Variants in BMPR1A observed in about 807,000 individuals in gnomAD.
BMPR1A encodes bone morphogenetic protein receptor type 1A, also known as bone morphogenetic protein receptor type-1A.
A neutral mutation model predicts 66.0 loss-of-function variants in BMPR1A; 7 were observed. The ratio of observed to expected loss-of-function variants is 0.11; its 90% CI spans 0.06 to 0.20. The LOEUF (loss-of-function observed/expected upper bound fraction) is 0.20. BMPR1A is among the 10% of genes least tolerant of loss of function. The probability of loss-of-function intolerance (pLI) is 1.00; values close to 1 mark genes in which losing one functional copy is unlikely to be tolerated. For missense variants in BMPR1A, 408 were observed against 669.1 expected (o/e 0.61, Z 4.31); for synonymous variants, 200 against 229.7 (o/e 0.87, Z 1.17).
chr10:86,819,736 T>A (rs1303357390), intron 1 of BMPR1A, among the ~76,000 whole-genome samples: 1 of 152,238 alleles, frequency 6.6e-6, no homozygotes, highest in African/African-American at 2.4e-5. Flanking sequence ...ATTGTGGTAG[T>A]GGTTGTTATC....
chr10:86,871,725 G>T (rs1439835605), intron 2 of BMPR1A, among the ~76,000 whole-genome samples: 1 of 151,744 alleles, frequency 6.6e-6, no homozygotes, highest in Non-Finnish European at 1.5e-5. Flanking sequence ...TGGGAGGATT[G>T]CCTGGAGCCC....
intron 1 of BMPR1A, among the ~76,000 whole-genome samples, chr10:86,810,513 C>T (rs149097739): frequency 3.7e-4 from 57 of 152,340 alleles, no homozygotes; most frequent in Non-Finnish European, 6.2e-4. Context: ...AAAATGGCTG[C>T]ACCATTTACA....
At chr10:86,918,412 G>C (rs754810340) in intron 9 of BMPR1A, among the ~76,000 whole-genome samples, 4 of 152,188 alleles carry the variant, frequency 2.6e-5, no homozygotes, top group Non-Finnish European at 4.4e-5. Context: ...CAACGAGCCA[G>C]ACTGAAAAGG....
At chr10:86,847,604 C>CT (rs1208915250) in intron 2 of BMPR1A, among the ~76,000 whole-genome samples, 1 of 151,930 alleles carries the variant, frequency 6.6e-6, no homozygotes, top group African/African-American at 2.4e-5. Context: ...AATGCCAACA[C>CT]TCTGGGAGGC....
intron 1 of BMPR1A, among the ~76,000 whole-genome samples, chr10:86,835,547 A>T (rs1842330972): frequency 9.6e-6 from 1 of 103,660 alleles, no homozygotes; most frequent in Non-Finnish European, 1.9e-5. Context: ...AAGACTCTGT[A>T]TCAAAAAAAA....
intron 1 of BMPR1A, among the ~76,000 whole-genome samples, chr10:86,797,058 CTTTTCTTTTCTT>C (rs1841723496): frequency 8.1e-6 from 1 of 124,022 alleles, no homozygotes; most frequent in African/African-American, 3.1e-5. Context: ...CTTTCTTTTT[CTTTTCTTTTCTT>C]TTTTTTTTTT....
chr10:86,904,873 C>G, intron 7 of BMPR1A, among the ~76,000 whole-genome samples: 1 of 152,132 alleles, frequency 6.6e-6, no homozygotes, highest in East Asian at 1.9e-4. Context: ...TGTGACTGCC[C>G]TGTTTATTTA....
At chr10:86,870,182 T>C (rs1842838034) in intron 2 of BMPR1A, among the ~76,000 whole-genome samples, 2 of 152,210 alleles carry the variant, frequency 1.3e-5, no homozygotes, top group Admixed American at 1.3e-4. Context: ...ACCGTTCTTT[T>C]AGCATAACCG....
chr10:86,853,963 G>T (rs1336616624), intron 2 of BMPR1A, among the ~76,000 whole-genome samples: 1 of 152,132 alleles, frequency 6.6e-6, no homozygotes, highest in Non-Finnish European at 1.5e-5. Context: ...AAATTTATTA[G>T]GCGGGAATTT....
chr10:86,837,257 G>GTGTC (rs1408140276), intron 1 of BMPR1A, among the ~76,000 whole-genome samples: 1 of 151,418 alleles, frequency 6.6e-6, no homozygotes, highest in Admixed American at 6.6e-5. Context: ...CTGTGTGTGT[G>GTGTC]TGTGTGTGTG....
chr10:86,907,332 C>T (rs147700659), intron 7 of BMPR1A, among the ~76,000 whole-genome samples: 16 of 152,252 alleles, frequency 1.1e-4, no homozygotes, highest in African/African-American at 3.9e-4. Context: ...AAAAAGAAAA[C>T]AAATGCTGGG....
intron 2 of BMPR1A, among the ~76,000 whole-genome samples, chr10:86,848,179 C>A (rs1281128481): frequency 6.6e-6 from 1 of 152,176 alleles, no homozygotes; most frequent in Non-Finnish European, 1.5e-5. Flanking sequence ...GGCCGAACTG[C>A]CTTGGCCTCC....
chr10:86,909,970 C>A (rs953062616), intron 7 of BMPR1A, among the ~76,000 whole-genome samples: 10 of 152,070 alleles, frequency 6.6e-5, no homozygotes, highest in African/African-American at 2.4e-4. Flanking sequence ...TTCAGTAATT[C>A]CTACTACAGA....
chr10:86,808,338 A>T (rs538713149), intron 1 of BMPR1A, among the ~76,000 whole-genome samples: 57 of 152,208 alleles, frequency 3.7e-4, no homozygotes, highest in Non-Finnish European at 7.1e-4. Flanking sequence ...CAATTTTATG[A>T]TCTTTTCAAA....
chr10:86,829,176 G>A (rs1005600568), intron 1 of BMPR1A, among the ~76,000 whole-genome samples: 5 of 151,940 alleles, frequency 3.3e-5, no homozygotes, highest in South Asian at 2.1e-4. Context: ...TTGAAATTTC[G>A]TAGTGATTTT....
chr10:86,841,518 T>C (rs1288970947), intron 2 of BMPR1A, among the ~76,000 whole-genome samples: 1 of 152,202 alleles, frequency 6.6e-6, no homozygotes, highest in Non-Finnish European at 1.5e-5. Flanking sequence ...AGATAATATT[T>C]GAGCAGAGTC....
intron 3 of BMPR1A, among the ~76,000 whole-genome samples, chr10:86,883,640 A>G (rs1253696935): frequency 4.2e-5 from 6 of 143,530 alleles, no homozygotes; most frequent in Admixed American, 7.0e-5. Context: ...GCGTGGTGGC[A>G]GGCGCCTGTA....
At chr10:86,811,727 A>T (rs1841973860) in intron 1 of BMPR1A, among the ~76,000 whole-genome samples, 1 of 152,206 alleles carries the variant, frequency 6.6e-6, no homozygotes, top group African/African-American at 2.4e-5. Flanking sequence ...AGTAGCTTTG[A>T]TGCTGAATGC....
chr10:86,771,402 T>C (rs989514022), intron 1 of BMPR1A, among the ~76,000 whole-genome samples: 1 of 152,212 alleles, frequency 6.6e-6, no homozygotes, highest in African/African-American at 2.4e-5. Context: ...ATGGATTAAA[T>C]GGTATCTGAC....
Sources: gnomAD v4.1 joint callset for allele counts (sites outside exome capture counted in the v4.1 genomes callset) on GRCh38, gnomAD v4.1.1 for gene constraint, MANE v1.5 for transcripts, NCBI Gene and HGNC (gene_info 2026-07-23, HGNC 2026-07-21) for gene names.